The following SPG21 variants were observed in gnomAD, a reference collection of about 807,000 sequenced individuals.
The protein encoded by SPG21 is SPG21 abhydrolase domain containing, maspardin, also known as maspardin.
In SPG21, 26 loss-of-function variants were observed where a neutral mutation model predicts 38.9. That is an observed-to-expected ratio of 0.67 (90% CI 0.49 to 0.93). SPG21 has a LOEUF of 0.93. Among genes scored for constraint, SPG21 ranks in the 40% least tolerant of loss-of-function variants. The probability of loss-of-function intolerance (pLI) is 0.00; values close to 1 mark genes in which losing one functional copy is unlikely to be tolerated. For synonymous variants in SPG21, 136 were observed against 128.9 expected (o/e 1.05, Z -0.37); for missense variants, 333 against 376.5 (o/e 0.88, Z 0.96).
chr15:64,987,166 C>T (rs559745974), intron 1 of SPG21: 7 of 152,270 alleles, frequency 4.6e-5, no homozygotes, highest in South Asian at 2.1e-4. Flanking sequence ...GAAAGATGTT[C>T]CTTACCAACA....
intron 4 of SPG21, among the ~76,000 whole-genome samples, 177 bp downstream of exon 4, chr15:64,976,298 G>A (rs927623356): frequency 6.6e-6 from 1 of 152,126 alleles, no homozygotes; most frequent in Non-Finnish European, 1.5e-5. Context: ...GGTGGCACAC[G>A]CCTGTAATCC....
intron 1 of SPG21, 85 bp from the exon 2 acceptor site, chr15:64,983,678 C>T (rs1427353125): frequency 7.1e-6 from 6 of 843,508 alleles, no homozygotes; most frequent in Non-Finnish European, 1.2e-5. Flanking sequence ...GCTATACCAA[C>T]AATATTTTAA....
intron 7 of SPG21, among the ~76,000 whole-genome samples, chr15:64,968,340 C>CAAAAAAAAAAAAAAAAAAAAAAAA (rs11305475): frequency 9.1e-6 from 1 of 109,702 alleles, no homozygotes. Flanking sequence ...ACCCTGTTTC[C>CAAAAAAAAAAAAAAAAAAAAAAAA]AAAAAAAAAA....
intron 1 of SPG21, chr15:64,987,034 G>C (rs1025028474): frequency 3.9e-5 from 6 of 152,176 alleles, no homozygotes; most frequent in Non-Finnish European, 7.3e-5. Context: ...CACCAAATGG[G>C]ATAAATCATT....
chr15:64,965,501 AACAC>A (rs150355725), intron 7 of SPG21, 41 bp from the exon 8 acceptor site: 1 of 1,613,368 alleles, frequency 6.2e-7, no homozygotes, highest in South Asian at 1.1e-5. Flanking sequence ...GGAAAGGTAA[AACAC>A]ACACACACAT....
chr15:64,967,856 G>A (rs1051903746), intron 7 of SPG21, among the ~76,000 whole-genome samples: 1 of 152,036 alleles, frequency 6.6e-6, no homozygotes, highest in Non-Finnish European at 1.5e-5. Context: ...ATCCTCTTGA[G>A]TCAGCCTCCC....
chr15:64,987,951 T>G (rs1421803406), intron 1 of SPG21, among the ~76,000 whole-genome samples: 1 of 152,168 alleles, frequency 6.6e-6, no homozygotes, highest in Non-Finnish European at 1.5e-5. Context: ...GAAGAATCAC[T>G]TGAACCCGGG....
chr15:64,975,305 GAAAAGAAA>G (rs1315689064), intron 4 of SPG21, among the ~76,000 whole-genome samples: 2 of 122,044 alleles, frequency 1.6e-5, no homozygotes, highest in Non-Finnish European at 1.7e-5. Context: ...AAAAAAAAAA[GAAAAGAAA>G]AAAAGAAACC....
Position 64,974,737 on chromosome 15 carries a change from A to T in SPG21, c.317T>A (p.Phe106Tyr), listed in dbSNP as rs140724990. 1 of 1,614,150 alleles carries T rather than the reference A, an allele frequency of 6.2e-7. No individual in the cohort carries two copies. The highest frequency in any genetic ancestry group is 1.3e-5 in the African/African-American group (1 of 75,030). Residue 106 changes from phenylalanine to tyrosine, a missense_variant, in exon 5 of 9, where the codon TTT (phenylalanine) becomes TAT (tyrosine). Physicochemically the swap from Phe to Tyr is conservative, Grantham distance 22 (BLOSUM62 3). Coordinates refer to ENST00000204566, the MANE Select transcript of SPG21 (RefSeq NM_016630.7). ...CAAAAAGCCTCCCAAAGAAGCGCCA[A>T]AAAGATGAACCTAATTATAAACAAA... ...DHLQLDKVHL[F>Y]GASLGGFLAQ... is the part of the protein sequence containing the mutation.
At chr15:64,983,241 G>A (rs1595879654) in intron 2 of SPG21, 1 of 186,994 alleles carries the variant, frequency 5.3e-6, no homozygotes, top group Non-Finnish European at 1.1e-5. Flanking sequence ...CAGCCTGGAC[G>A]GCAGAGCGAG....
At chr15:64,989,611 A>G (rs576779395) in intron 1 of SPG21, 54 bp downstream of exon 1, 1 of 153,234 alleles carries the variant, frequency 6.5e-6, no homozygotes, top group African/African-American at 2.4e-5. Flanking sequence ...ACACACACCT[A>G]CAACCCCGCA....
chr15:64,988,869 C>T (rs1398399612), intron 1 of SPG21: 1 of 151,680 alleles, frequency 6.6e-6, no homozygotes, highest in East Asian at 1.9e-4. Flanking sequence ...GTAGTGCCAG[C>T]TACTCGGGAG....
rs1444745729 is a variant in SPG21 at position 64,989,889 on chromosome 15, C to T, written c.-249G>A. The T allele has an allele frequency of 6.6e-6, 1 of 152,102 alleles. No homozygotes were observed. The highest frequency in any genetic ancestry group is 6.5e-5 in the Admixed American group (1 of 15,280). The allele number at this position is 152,102 out of a possible 1,614,324, so 9.4% of individuals were successfully genotyped here. A position where few individuals can be genotyped will look rare whatever the true frequency, so the allele number is the denominator to read the frequency against. The stretch of plus-strand genomic sequence containing the variant: ...GGCCGCCGCGCTCCCCCCGCCCGAC[C>T]GCCGCTCAGCTGGCGCGAGACTCCC... On this transcript the variant is annotated 5_prime_UTR_variant, in exon 1 of 9. Transcript: ENST00000204566.
chr15:64,988,702 G>GC (rs1424491014), intron 1 of SPG21: 5 of 152,316 alleles, frequency 3.3e-5, no homozygotes, highest in African/African-American at 1.2e-4. Context: ...CTCCTCAGTG[G>GC]CCAGCCGCGA....
intron 2 of SPG21, among the ~76,000 whole-genome samples, chr15:64,982,549 T>C (rs115241333): frequency 0.013 from 1,918 of 152,232 alleles, 44 homozygotes; most frequent in African/African-American, 0.042. Context: ...AGTGCTAGGA[T>C]TACAGGCATG....
Position 64,965,322 on chromosome 15 carries a change from G to T in SPG21, c.808C>A (p.Gln270Lys). Residue 270 changes from glutamine (Q) to lysine (K), a missense_variant and splice_region_variant, in exon 8 of 9, where the codon CAG becomes AAG. By Grantham distance (53) the Gln-to-Lys change is moderately conservative. Transcript: ENST00000204566. ...CRSAEVNLYV[Q>K]IHLLQFHGTK... ...CTGGGTTTCAAGCTAGGCCTTACCTGTACATAAAGATTGACCTCTGCACTT... is the reference window on the plus strand; with the variant it reads ...CTGGGTTTCAAGCTAGGCCTTACCTTTACATAAAGATTGACCTCTGCACTT... 1 of 1,614,184 alleles carries T rather than the reference G, an allele frequency of 6.2e-7. No homozygotes were observed. Among genetic ancestry groups the T allele is most frequent in the South Asian group, 1.1e-5 (1 of 91,088 alleles).
At chr15:64,974,881 G>T in intron 4 of SPG21, 134 bp from the exon 5 acceptor site, 1 of 990,330 alleles carries the variant, frequency 1.0e-6, no homozygotes. Context: ...ATTTACAGCA[G>T]CTAGAAATTT....
At chr15:64,969,968 A>G in intron 6 of SPG21, 146 bp downstream of exon 6, 1 of 791,866 alleles carries the variant, frequency 1.3e-6, no homozygotes, top group South Asian at 1.4e-5. Flanking sequence ...GCAAGCCCTT[A>G]CCAGCAATAA....
Position 64,983,550 on chromosome 15 carries a change from G to C in SPG21, c.20C>G (p.Ser7Cys), listed in dbSNP as rs764509115. Residue 7 changes from serine (S) to cysteine (C), a missense_variant, in exon 2 of 9, where the codon TCT (serine) becomes TGT (cysteine). By Grantham distance (112) the Ser-to-Cys change is moderately radical. Coordinates refer to ENST00000204566, the MANE Select transcript of SPG21 (RefSeq NM_016630.7). MGEIKV[S>C]PDYNWFRGTV... ...ACCTCTAAACCAGTTATAATCAGGA[G>C]AGACTTTAATCTCTCCCATGATTAG... 6.3e-7 allele frequency: 1 copy of C among 1,578,134 alleles called. No individual in the cohort carries two copies. Among genetic ancestry groups the C allele is most frequent in the South Asian group, 1.2e-5 (1 of 86,948 alleles).
Sources: gnomAD v4.1 joint callset for allele counts (sites outside exome capture counted in the v4.1 genomes callset) on GRCh38, gnomAD v4.1.1 for gene constraint, MANE v1.5 for transcripts, NCBI Gene and HGNC (gene_info 2026-07-23, HGNC 2026-07-21) for gene names.